Variants in ESRRG observed in about 807,000 individuals in gnomAD.
The protein encoded by ESRRG is estrogen-related receptor gamma.
In ESRRG, 13 loss-of-function variants were observed where a neutral mutation model predicts 44.0. The observed-to-expected ratio is 0.30, with a 90% confidence interval of 0.19 to 0.47. ESRRG has a LOEUF of 0.47. ESRRG is among the 20% of genes least tolerant of loss of function. ESRRG has a pLI of 1.00. For synonymous variants in ESRRG, 215 were observed against 214.6 expected (o/e 1.00, Z -0.02); for missense variants, 395 against 580.6 (o/e 0.68, Z 3.29).
chr1:216,600,996 T>G (rs149357758), intron 3 of ESRRG, among the ~76,000 whole-genome samples: 1 of 152,326 alleles, frequency 6.6e-6, no homozygotes, highest in East Asian at 1.9e-4. Flanking sequence ...AAAGAGCTGC[T>G]TCGGCGTTCC....
At chr1:217,009,755 G>T (rs1398014468) in intron 1 of ESRRG, among the ~76,000 whole-genome samples, 2 of 145,164 alleles carry the variant, frequency 1.4e-5, no homozygotes, top group Non-Finnish European at 1.5e-5. Flanking sequence ...ACCCAGGCTG[G>T]AGTGCAGTGG....
At chr1:216,768,965 A>C (rs2093252030) in intron 2 of ESRRG, among the ~76,000 whole-genome samples, 1 of 152,158 alleles carries the variant, frequency 6.6e-6, no homozygotes, top group South Asian at 2.1e-4. Context: ...GCCTTAAAAT[A>C]GAACTGACAT....
chr1:216,514,985 CAA>C (rs1491340388), intron 6 of ESRRG, among the ~76,000 whole-genome samples: 1 of 143,464 alleles, frequency 7.0e-6, no homozygotes, highest in Admixed American at 6.9e-5. Flanking sequence ...CACACACACA[CAA>C]CACACACTTA....
At chr1:216,839,575 T>C (rs772042649) in intron 2 of ESRRG, among the ~76,000 whole-genome samples, 3 of 152,230 alleles carry the variant, frequency 2.0e-5, no homozygotes, top group Non-Finnish European at 4.4e-5. Flanking sequence ...ATTTATTAAA[T>C]AATAAGACTT....
At chr1:216,536,963 T>A (rs988457332) in intron 5 of ESRRG, among the ~76,000 whole-genome samples, 10 of 151,994 alleles carry the variant, frequency 6.6e-5, no homozygotes, top group African/African-American at 1.9e-4. Flanking sequence ...GCTGCTGTTG[T>A]AAGCAGTGGG....
At chr1:216,671,783 T>C (rs1253463849) in intron 2 of ESRRG, among the ~76,000 whole-genome samples, 2 of 152,184 alleles carry the variant, frequency 1.3e-5, no homozygotes, top group Non-Finnish European at 2.9e-5. Flanking sequence ...TTTCTAGCAC[T>C]ATAATGAGGA....
chr1:216,853,284 T>C (rs531107623), intron 2 of ESRRG, among the ~76,000 whole-genome samples: 1 of 152,296 alleles, frequency 6.6e-6, no homozygotes, highest in African/African-American at 2.4e-5. Flanking sequence ...GTAGATCCTA[T>C]GCCTTTATCA....
intron 2 of ESRRG, among the ~76,000 whole-genome samples, chr1:216,748,020 G>A (rs1297226705): frequency 6.6e-6 from 1 of 152,120 alleles, no homozygotes; most frequent in African/African-American, 2.4e-5. Context: ...AGATACTATT[G>A]AAATAGAGTT....
intron 1 of ESRRG, among the ~76,000 whole-genome samples, chr1:216,699,690 C>T (rs887425392): frequency 2.0e-5 from 3 of 152,080 alleles, no homozygotes; most frequent in African/African-American, 7.2e-5. Flanking sequence ...TGATTTCTGC[C>T]CCCTTCATGT....
At chr1:216,508,065 C>T (rs2041681523) in intron 6 of ESRRG, among the ~76,000 whole-genome samples, 1 of 152,146 alleles carries the variant, frequency 6.6e-6, no homozygotes, top group African/African-American at 2.4e-5. Flanking sequence ...GTTAATTACA[C>T]ATAATGGAGT....
intron 1 of ESRRG, among the ~76,000 whole-genome samples, chr1:217,008,186 T>C (rs112177915): frequency 1.7e-3 from 259 of 152,264 alleles, no homozygotes; most frequent in African/African-American, 6.0e-3. Flanking sequence ...TGTCTGCCAC[T>C]GTGAGATATG....
chr1:216,910,729 A>G (rs1418058658), intron 2 of ESRRG, among the ~76,000 whole-genome samples: 4 of 152,170 alleles, frequency 2.6e-5, no homozygotes, highest in Non-Finnish European at 5.9e-5. Flanking sequence ...GACTATATGG[A>G]GACTCTATTG....
At chr1:216,573,571 C>T (rs2061204717) in intron 3 of ESRRG, among the ~76,000 whole-genome samples, 1 of 151,746 alleles carries the variant, frequency 6.6e-6, no homozygotes, top group African/African-American at 2.4e-5. Flanking sequence ...TGTAGGTAAA[C>T]AGATTTGAGA....
rs2060483131 is a variant in ESRRG, at chr1:216,912,178, A to AG, written c.-14+27403_-14+27404insC. Among the ~76,000 whole-genome samples the AG allele has an allele frequency of 6.4e-4, 12 of 18,840 alleles. 1 individual carries two copies. Among genetic ancestry groups the AG allele is most frequent in the East Asian group, 2.1e-3 (1 of 486 alleles). 12.4% of individuals were successfully genotyped at this position (18,840 alleles called of 152,430 possible). A position where few individuals can be genotyped will look rare whatever the true frequency, so the allele number is the denominator to read the frequency against. The stretch of plus-strand genomic sequence containing the variant: ...AAGAAAAGAAAAGAAAAGAAAAGAA[A>AG]AGAAAAGGAGAGGAGAGGAGAGGAG... On this transcript the variant is annotated intron_variant, in intron 2 of 7. Transcript: ENST00000359162.
At chr1:216,569,287 A>G (rs1252683983) in intron 3 of ESRRG, among the ~76,000 whole-genome samples, 1 of 150,766 alleles carries the variant, frequency 6.6e-6, no homozygotes. Context: ...AAGGAAGGAA[A>G]GAAGGAAGGA....
At chr1:216,547,366 A>T (rs2149342963) in intron 5 of ESRRG, among the ~76,000 whole-genome samples, 1 of 152,132 alleles carries the variant, frequency 6.6e-6, no homozygotes, top group East Asian at 1.9e-4. Context: ...AGATTTCCAG[A>T]GTTCAATGTT....
chr1:217,081,006 G>C (rs1328656102), intron 1 of ESRRG, among the ~76,000 whole-genome samples: 1 of 151,950 alleles, frequency 6.6e-6, no homozygotes, highest in Non-Finnish European at 1.5e-5. Flanking sequence ...GTTCACAAAA[G>C]TGTAGAGTTT....
chr1:216,743,285 C>G (rs1374155093), intron 2 of ESRRG, among the ~76,000 whole-genome samples: 1 of 152,168 alleles, frequency 6.6e-6, no homozygotes, highest in African/African-American at 2.4e-5. Flanking sequence ...ACAGGCTATT[C>G]ATTTGCTGTT....
At chr1:216,916,180 G>A (rs1362510090) in intron 2 of ESRRG, among the ~76,000 whole-genome samples, 1 of 152,136 alleles carries the variant, frequency 6.6e-6, no homozygotes, top group Non-Finnish European at 1.5e-5. Flanking sequence ...GAATAAAAAA[G>A]ATGACATCAC....
Sources: allele counts gnomAD v4.1 joint callset (sites outside exome capture counted in the v4.1 genomes callset), GRCh38; gene constraint gnomAD v4.1.1; transcripts MANE v1.5; gene names NCBI Gene and HGNC (gene_info 2026-07-23, HGNC 2026-07-21).